Variants in RALA observed in about 807,000 individuals in gnomAD.
RALA encodes the protein ras-related protein Ral-A.
A neutral mutation model predicts 24.0 loss-of-function variants in RALA; 5 were observed. That is an observed-to-expected ratio of 0.21 (90% CI 0.11 to 0.44). The LOEUF is 0.44. RALA is among the 20% of genes least tolerant of loss of function. The probability of loss-of-function intolerance (pLI) is 0.99; values close to 1 mark genes in which losing one functional copy is unlikely to be tolerated. For synonymous variants in RALA, 77 were observed against 83.8 expected (o/e 0.92, Z 0.44); for missense variants, 95 against 241.2 (o/e 0.39, Z 4.01).
At chr7:39,639,460 TAGG>T (rs1412546674) in intron 1 of RALA, among the ~76,000 whole-genome samples, 1 of 152,136 alleles carries the variant, frequency 6.6e-6, no homozygotes, top group African/African-American at 2.4e-5. Flanking sequence ...GAGGCTGAAA[TAGG>T]AGGATCTCTT....
chr7:39,698,248 C>T (rs1016661187), intron 4 of RALA, among the ~76,000 whole-genome samples: 1 of 152,138 alleles, frequency 6.6e-6, no homozygotes, highest in Non-Finnish European at 1.5e-5. Flanking sequence ...ATTGCCATCA[C>T]ATAAGGAATT....
At position 39,638,710 on chromosome 7, in the gene RALA, T is replaced by C. The variant is rs540181280; in HGVS notation, c.-38+14885T>C. On this transcript the variant is annotated intron_variant, in intron 1 of 4. Coordinates refer to ENST00000005257, the MANE Select transcript of RALA (RefSeq NM_005402.4). ...AGTCCTCCCCTTTGGCCTCCCAGAA[T>C]GCTGGGATAATAGGCATGAGCCACT... Among the ~76,000 whole-genome samples the C allele has an allele frequency of 3.3e-5, 5 of 152,366 alleles. No homozygotes were observed. In the South Asian group the frequency reaches 1.0e-3, roughly 32 times the overall value.
intron 1 of RALA, among the ~76,000 whole-genome samples, chr7:39,637,510 A>C (rs1054005571): frequency 4.6e-5 from 7 of 152,182 alleles, no homozygotes; most frequent in Non-Finnish European, 8.8e-5. Flanking sequence ...TTTTTTGTAA[A>C]GCTTTAAGTG....
rs553630842 is a variant in RALA, at chr7:39,679,301, C to A, written c.-37-7330C>A. On this transcript the variant is annotated intron_variant, in intron 1 of 4. Transcript: ENST00000005257. Reference sequence around the variant, plus strand: ...CAAGCCACATTCTCTGTTACGTATTCTTCTTGGTTTGGTTTGATTTTAATT... The same window carrying A: ...CAAGCCACATTCTCTGTTACGTATTATTCTTGGTTTGGTTTGATTTTAATT... Among the ~76,000 whole-genome samples, 9 of 152,248 alleles carry A rather than the reference C, an allele frequency of 5.9e-5. No individual in the cohort carries two copies. In the East Asian group the frequency reaches 1.7e-3, roughly 29 times the overall value.
chr7:39,674,742 GA>G (rs1792449357), intron 1 of RALA, among the ~76,000 whole-genome samples: 1 of 151,476 alleles, frequency 6.6e-6, no homozygotes, highest in African/African-American at 2.4e-5. Flanking sequence ...TGGGGGATGG[GA>G]CCCAAGTCTA....
At chr7:39,675,414 A>T (rs1562619164) in intron 1 of RALA, among the ~76,000 whole-genome samples, 1 of 152,112 alleles carries the variant, frequency 6.6e-6, no homozygotes, top group Non-Finnish European at 1.5e-5. Context: ...ACCTGTATTG[A>T]TGATACTTGT....
intron 1 of RALA, among the ~76,000 whole-genome samples, chr7:39,633,227 T>G (rs73381118): frequency 0.029 from 4,389 of 152,314 alleles, 227 homozygotes; most frequent in African/African-American, 0.099. Context: ...TAAATGTTAG[T>G]CTGTTCTCGC....
intron 1 of RALA, among the ~76,000 whole-genome samples, chr7:39,676,904 CAAAA>C (rs1792496206): frequency 6.6e-6 from 1 of 152,188 alleles, no homozygotes; most frequent in Admixed American, 6.5e-5. Context: ...AATGGCCCCA[CAAAA>C]TATCCATGTC....
chr7:39,699,136 T>C (rs969204085), intron 4 of RALA, among the ~76,000 whole-genome samples: 2 of 123,818 alleles, frequency 1.6e-5, no homozygotes, highest in African/African-American at 6.2e-5. Flanking sequence ...TTTTTTTTTT[T>C]TTTTTTTTTT....
intron 1 of RALA, chr7:39,624,433 C>T (rs1349457572): frequency 6.6e-6 from 1 of 151,578 alleles, no homozygotes; most frequent in Non-Finnish European, 1.5e-5. Flanking sequence ...TTCAGGTAAT[C>T]TAGCTTCTAA....
rs555148920 is a variant in RALA at position 39,664,034 on chromosome 7, A to G, written c.-37-22597A>G. On this transcript the variant is annotated intron_variant, in intron 1 of 4. Coordinates refer to ENST00000005257, the MANE Select transcript of RALA (RefSeq NM_005402.4). ...AGGTGAATTCCCAGAAGCCATTAAG[A>G]AAAACATTGAGGAGAAAGGATATCT... 7.2e-5 allele frequency among the ~76,000 whole-genome samples: 11 copies of G among 152,370 alleles called. No individual in the cohort carries two copies. The South Asian group carries it at 1.2e-3, about 17-fold the overall frequency.
At chr7:39,651,580 T>TA (rs1792019252) in intron 1 of RALA, among the ~76,000 whole-genome samples, 2 of 146,444 alleles carry the variant, frequency 1.4e-5, no homozygotes, top group African/African-American at 5.0e-5. Flanking sequence ...TTCACTAAGC[T>TA]TTTTTTTTTT....
chr7:39,646,221 A>C (rs561010339), intron 1 of RALA, among the ~76,000 whole-genome samples: 173 of 152,226 alleles, frequency 1.1e-3, no homozygotes, highest in African/African-American at 3.8e-3. Flanking sequence ...TGAGCCTGGG[A>C]GGTCAAGGCC....
At chr7:39,702,453 T>C (rs1214187272) in intron 4 of RALA, among the ~76,000 whole-genome samples, 1 of 152,248 alleles carries the variant, frequency 6.6e-6, no homozygotes, top group African/African-American at 2.4e-5. Flanking sequence ...TGACAAATCC[T>C]ACAGCTCTTC....
At chr7:39,695,950 G>A (rs1487555994) in intron 3 of RALA, among the ~76,000 whole-genome samples, 3 of 152,024 alleles carry the variant, frequency 2.0e-5, no homozygotes, top group African/African-American at 7.3e-5. Context: ...TTACTCTGTC[G>A]ATGCAGTTAT....
chr7:39,662,512 G>A lies in RALA; in HGVS notation c.-37-24119G>A, dbSNP rs140577872. 1.4e-3 allele frequency among the ~76,000 whole-genome samples: 216 copies of A among 152,116 alleles called. 2 individuals are homozygous for A. The highest frequency in any genetic ancestry group is 4.6e-3 in the African/African-American group (190 of 41,494). On this transcript the variant is annotated intron_variant, in intron 1 of 4. Transcript: ENST00000005257. ...CTTCCACCAGATGCCCTAAATCATCGCCCTCAAGTTTAGAGTTCCACAGAT... is the reference window on the plus strand; with the variant it reads ...CTTCCACCAGATGCCCTAAATCATCACCCTCAAGTTTAGAGTTCCACAGAT...
intron 1 of RALA, among the ~76,000 whole-genome samples, chr7:39,639,514 CT>C (rs1791744051): frequency 6.6e-6 from 1 of 152,154 alleles, no homozygotes; most frequent in African/African-American, 2.4e-5. Context: ...ATGGTTAAGA[CT>C]GCATAGCCAT....
At chr7:39,677,224 G>A (rs1792502430) in intron 1 of RALA, among the ~76,000 whole-genome samples, 1 of 152,214 alleles carries the variant, frequency 6.6e-6, no homozygotes, top group Middle Eastern at 3.2e-3. Context: ...AACCAACCCT[G>A]TTGGCATCTT....
At chr7:39,633,525 C>T (rs911488488) in intron 1 of RALA, among the ~76,000 whole-genome samples, 1 of 152,178 alleles carries the variant, frequency 6.6e-6, no homozygotes, top group African/African-American at 2.4e-5. Context: ...ATGGAGGAAA[C>T]TGCTTCCATG....
Sources: gnomAD v4.1 joint callset for allele counts (sites outside exome capture counted in the v4.1 genomes callset) on GRCh38, gnomAD v4.1.1 for gene constraint, MANE v1.5 for transcripts, NCBI Gene and HGNC (gene_info 2026-07-23, HGNC 2026-07-21) for gene names.